The following AFF4 variants were observed in gnomAD, a reference collection of about 807,000 sequenced individuals.
AFF4 encodes ALF transcription elongation factor 4, also known as AF4/FMR2 family member 4.
AFF4 carries 13 observed loss-of-function variants against 124.8 expected under a neutral mutation model. That is an observed-to-expected ratio of 0.10 (90% confidence interval 0.07 to 0.17). The LOEUF is 0.17. Ranked by LOEUF, AFF4 falls within the 10% of genes least tolerant of loss-of-function variation. AFF4 has a pLI of 1.00. For synonymous variants in AFF4, 477 were observed against 496.1 expected, an observed-to-expected ratio of 0.96 and a Z score of 0.51; for missense variants, 1,092 against 1,403.8, an observed-to-expected ratio of 0.78 and a Z score of 3.55.
intron 5 of AFF4, among the ~76,000 whole-genome samples, chr5:132,920,199 G>A (rs1026738702): frequency 6.6e-6 from 1 of 151,720 alleles, no homozygotes; most frequent in African/African-American, 2.4e-5. Context: ...ACAGATGCCC[G>A]CCACCATGTC....
chr5:132,928,500 A>AAAACCTTCAAAACCTTC (rs1232936928), intron 4 of AFF4, among the ~76,000 whole-genome samples: 2 of 152,136 alleles, frequency 1.3e-5, no homozygotes, highest in Admixed American at 6.5e-5. Flanking sequence ...TTTTTCCTTC[A>AAAACCTTCAAAACCTTC]AAAACCTTTG....
chr5:132,929,086 T>C (rs1160126268), intron 4 of AFF4, among the ~76,000 whole-genome samples: 1 of 152,148 alleles, frequency 6.6e-6, no homozygotes, highest in Non-Finnish European at 1.5e-5. Flanking sequence ...GAGTGAATTT[T>C]TTTTTAAGTT....
chr5:132,946,972 G>A (rs1024938357), intron 1 of AFF4, among the ~76,000 whole-genome samples: 48 of 151,328 alleles, frequency 3.2e-4, no homozygotes, highest in African/African-American at 1.0e-3. Flanking sequence ...CACGAGAATC[G>A]CTTGAACCCG....
At chr5:132,937,028 T>C (rs369653017) in intron 2 of AFF4, 39 bp downstream of exon 2, 2 of 1,574,812 alleles carry the variant, frequency 1.3e-6, no homozygotes, top group Non-Finnish European at 1.7e-6. Context: ...AAAAATGTCA[T>C]GCTAATGGGA....
chr5:132,910,690 C>G (rs1418688741), intron 5 of AFF4, among the ~76,000 whole-genome samples: 1 of 152,152 alleles, frequency 6.6e-6, no homozygotes, highest in Non-Finnish European at 1.5e-5. Context: ...CTCACAAACA[C>G]CAAAATCTAA....
chr5:132,920,850 G>A (rs149458650), intron 5 of AFF4, among the ~76,000 whole-genome samples: 271 of 152,180 alleles, frequency 1.8e-3, no homozygotes, highest in Non-Finnish European at 3.1e-3. Flanking sequence ...ATTTCAGGCC[G>A]GGCGCAGTGG....
At chr5:132,933,157 C>T (rs549788787) in intron 3 of AFF4, among the ~76,000 whole-genome samples, 29 of 150,566 alleles carry the variant, frequency 1.9e-4, no homozygotes, top group Middle Eastern at 6.8e-3. Flanking sequence ...CAGCACTTTG[C>T]GAGGCCGAGG....
At chr5:132,926,250 G>A (rs202207388) in intron 5 of AFF4, 3 of 473,322 alleles carry the variant, frequency 6.3e-6, no homozygotes, top group Middle Eastern at 3.4e-4. Flanking sequence ...TGAAGGGGAC[G>A]GAATTGGGGA....
chr5:132,893,141 G>A (rs1760305433), intron 11 of AFF4, 23 bp from the exon 12 acceptor site: 2 of 1,606,520 alleles, frequency 1.2e-6, no homozygotes, highest in African/African-American at 1.3e-5. Context: ...TAGAAACCGT[G>A]GTCTGATTTT....
intron 1 of AFF4, among the ~76,000 whole-genome samples, chr5:132,942,781 T>C (rs1415343805): frequency 2.0e-5 from 3 of 152,168 alleles, no homozygotes; most frequent in Admixed American, 2.0e-4. Context: ...ATATTATTAA[T>C]CCTGCCACTT....
In AFF4 at chr5:132,962,269, T is replaced by C. The variant is rs765332351; in HGVS notation, c.-5+990A>G. ...CCGAAAAACAGCACACATTTTATGT[T>C]ACATTTACAGTCTATTCACAGACAC... is the stretch of plus-strand genomic sequence containing the variant. On this transcript the variant is annotated intron_variant, in intron 1 of 20. Transcript: ENST00000265343. 2.6e-5 allele frequency among the ~76,000 whole-genome samples: 4 copies of C among 152,368 alleles called. No homozygotes were observed. In the East Asian group the frequency reaches 7.7e-4, roughly 29 times the overall value.
chr5:132,948,623 T>C (rs1761756133), intron 1 of AFF4: 1 of 166,508 alleles, frequency 6.0e-6, no homozygotes, highest in African/African-American at 2.4e-5. Context: ...TGCCACTCTC[T>C]TTTGGCTGAT....
chr5:132,950,426 T>C (rs936086953), intron 1 of AFF4, among the ~76,000 whole-genome samples: 6 of 152,100 alleles, frequency 3.9e-5, no homozygotes, highest in African/African-American at 1.2e-4. Context: ...TGAGCTGAGA[T>C]CGTGCCATTG....
intron 12 of AFF4, 123 bp downstream of exon 12, chr5:132,892,907 T>C: frequency 2.3e-6 from 2 of 858,288 alleles, no homozygotes; most frequent in South Asian, 3.1e-5. Flanking sequence ...ATATGTTATG[T>C]GTATGCATTT....
At chr5:132,948,559 A>C (rs17691584) in intron 1 of AFF4, 20,895 of 153,592 alleles carry the variant, frequency 0.14, 1,562 homozygotes, top group Middle Eastern at 0.21. Flanking sequence ...CTAGTTCGTC[A>C]CTAAGCGGCC....
At chr5:132,948,714 C>A in intron 1 of AFF4, 1 of 200,654 alleles carries the variant, frequency 5.0e-6, no homozygotes. Context: ...CATCATTGGC[C>A]TTGAGGAAGA....
intron 1 of AFF4, among the ~76,000 whole-genome samples, chr5:132,953,745 T>C (rs934183803): frequency 6.6e-6 from 1 of 152,146 alleles, no homozygotes; most frequent in Admixed American, 6.6e-5. Context: ...AAAATATATT[T>C]TGAATCTCCC....
intron 5 of AFF4, among the ~76,000 whole-genome samples, chr5:132,923,570 T>C (rs184065025): frequency 1.3e-5 from 2 of 151,572 alleles, no homozygotes; most frequent in African/African-American, 4.8e-5. Flanking sequence ...CCCCCGTCTC[T>C]ATGTAAGTCT....
rs567605468 is a variant in AFF4, at chr5:132,892,105, G to A, written c.2637+59C>T. 150 of 1,613,124 alleles carry A rather than the reference G, an allele frequency of 9.3e-5. No individual in the cohort carries two copies. In the African/African-American group the frequency reaches 1.7e-3, roughly 19 times the overall value. Reference sequence around the variant, plus strand: ...TAATTTCAAAGCACAGTGTCACCCTGGAAAAGTCACATGGCAAGTTGAATG... The same window carrying A: ...TAATTTCAAAGCACAGTGTCACCCTAGAAAAGTCACATGGCAAGTTGAATG... On this transcript the variant is annotated intron_variant, in intron 13 of 20. Transcript: ENST00000265343.
Sources: gnomAD v4.1 joint callset for allele counts (sites outside exome capture counted in the v4.1 genomes callset) on GRCh38, gnomAD v4.1.1 for gene constraint, MANE v1.5 for transcripts, NCBI Gene and HGNC (gene_info 2026-07-23, HGNC 2026-07-21) for gene names.